DMD: variants seen among roughly 807,000 people sequenced by gnomAD.
DMD encodes the protein mutant dystrophin.
Under a neutral mutation model 330.1 loss-of-function variants are expected in DMD, and 63 were observed. The observed-to-expected ratio is 0.19, with a 90% CI of 0.16 to 0.24. DMD has a LOEUF of 0.24. Among genes scored for constraint, DMD ranks in the 10% least tolerant of loss-of-function variants. The pLI, the probability that DMD is intolerant of heterozygous loss-of-function variation, is 1.00. For synonymous variants in DMD, 1,223 were observed against 959.8 expected (o/e 1.27, Z -5.07); for missense variants, 3,344 against 2,684.1 (o/e 1.25, Z -5.43).
chrX:32,277,860 GA>G (rs1388232483), intron 43 of DMD, among the ~76,000 whole-genome samples: 2 of 110,188 alleles, frequency 1.8e-5, no homozygotes, highest in East Asian at 2.9e-4. Flanking sequence ...TATCAAAAAA[GA>G]AAAAAACTTC....
At chrX:32,114,933 C>T (rs767245715) in intron 44 of DMD, among the ~76,000 whole-genome samples, 5 of 112,193 alleles carry the variant, frequency 4.5e-5, no homozygotes, top group African/African-American at 1.6e-4. Context: ...TGTCTTTTAT[C>T]AAGGTCAAGT....
At chrX:31,516,188 T>C (rs760454203) in intron 55 of DMD, among the ~76,000 whole-genome samples, 1 of 110,346 alleles carries the variant, frequency 9.1e-6, no homozygotes, top group Non-Finnish European at 1.9e-5. Context: ...AAATTTTGTA[T>C]GTCTGGTATT....
intron 45 of DMD, among the ~76,000 whole-genome samples, chrX:31,958,206 T>C (rs970174762): frequency 9.3e-6 from 1 of 107,463 alleles, no homozygotes; most frequent in Non-Finnish European, 1.9e-5. Flanking sequence ...GGAGAGAGAA[T>C]TTACAGCAAC....
intron 60 of DMD, among the ~76,000 whole-genome samples, chrX:31,378,944 C>G (rs1308365900): frequency 9.0e-6 from 1 of 111,244 alleles, no homozygotes; most frequent in East Asian, 2.8e-4. Flanking sequence ...ACGGCACTTT[C>G]AATTTTTCCA....
intron 63 of DMD, 71 bp from the exon 64 acceptor site, chrX:31,223,192 A>G (rs1209215265): frequency 2.1e-5 from 20 of 961,299 alleles, no homozygotes; most frequent in African/African-American, 3.8e-5. Flanking sequence ...CCCGACGCCC[A>G]GTGATTTGCC....
chrX:31,643,374 C>T (rs2079891570), intron 54 of DMD, among the ~76,000 whole-genome samples: 1 of 111,410 alleles, frequency 9.0e-6, no homozygotes, highest in African/African-American at 3.3e-5. Context: ...TTGTGATAGG[C>T]ACTTTTTTAA....
intron 47 of DMD, among the ~76,000 whole-genome samples, chrX:31,905,042 C>T (rs1015862307): frequency 1.8e-5 from 2 of 110,963 alleles, no homozygotes; most frequent in African/African-American, 6.5e-5. Flanking sequence ...AAAATAGTGG[C>T]GAATTTTAAA....
chrX:33,011,696 T>C (rs1293628255), intron 2 of DMD, among the ~76,000 whole-genome samples: 1 of 112,338 alleles, frequency 8.9e-6, no homozygotes, highest in Non-Finnish European at 1.9e-5. Context: ...TAAGTATTTG[T>C]TAAATGTTGA....
intron 51 of DMD, among the ~76,000 whole-genome samples, chrX:31,740,299 G>A (rs2087222783): frequency 8.9e-6 from 1 of 111,916 alleles, no homozygotes; most frequent in African/African-American, 3.2e-5. Flanking sequence ...CTATAAATTT[G>A]GCATATTAAC....
At chrX:32,262,192 G>A (rs2097326144) in intron 43 of DMD, among the ~76,000 whole-genome samples, 1 of 111,962 alleles carries the variant, frequency 8.9e-6, no homozygotes, top group Admixed American at 9.5e-5. Flanking sequence ...TAATCACACG[G>A]AGATCATATT....
chrX:32,500,637 G>A (rs1240004476), intron 19 of DMD, among the ~76,000 whole-genome samples: 1 of 111,596 alleles, frequency 9.0e-6, no homozygotes, highest in Non-Finnish European at 1.9e-5. Flanking sequence ...TGAATATGCT[G>A]TTAAGTTGAT....
intron 44 of DMD, among the ~76,000 whole-genome samples, chrX:32,050,743 G>T (rs1420828586): frequency 3.6e-5 from 4 of 110,713 alleles, no homozygotes; most frequent in Non-Finnish European, 7.6e-5. Flanking sequence ...CACCATGTGG[G>T]CTTTTTGATC....
At chrX:32,420,031 AG>A (rs1325827481) in intron 29 of DMD, among the ~76,000 whole-genome samples, 7 of 111,990 alleles carry the variant, frequency 6.3e-5, no homozygotes, top group Non-Finnish European at 1.1e-4. Flanking sequence ...AGCTTCAAAA[AG>A]AAAGTGAATG....
In DMD at chrX:31,147,496, G is replaced by A. The variant is rs905145891; in HGVS notation, c.10576C>T (p.Arg3526Cys). ...TTATGTTCGTGCTGCTGCTTTAGAC[G>A]GTCATATTCTGCTTGCAGATTCCTA... The part of the protein sequence containing the change: ...ENRNLQAEYD[R>C]LKQQHEHKGL... Residue 3526 changes from arginine to cysteine, a missense_variant, in exon 75 of 79, where the codon CGT becomes TGT. Physicochemically the swap from Arg to Cys is radical, Grantham distance 180 (BLOSUM62 -3). Transcript: ENST00000357033. The A allele has an allele frequency of 1.8e-5, 21 of 1,195,575 alleles. No individual in the cohort carries two copies. Among genetic ancestry groups the A allele is most frequent in the Middle Eastern group, 2.3e-4 (1 of 4,344 alleles).
intron 25 of DMD, among the ~76,000 whole-genome samples, chrX:32,456,006 C>T (rs911922822): frequency 9.0e-6 from 1 of 111,107 alleles, no homozygotes; most frequent in Non-Finnish European, 1.9e-5. Context: ...ATACATAGTG[C>T]TTTTACTTTA....
Position 31,750,488 on chromosome X carries a change from T to C in DMD, c.7543-20740A>G, listed in dbSNP as rs189907328. The stretch of plus-strand genomic sequence containing the variant: ...GGCGTTACTTCTGAGGGCTCTGTTC[T>C]GTTCCATTGATCTATATGTCTGTTT... On this transcript the variant is annotated intron_variant, in intron 51 of 78. Transcript: ENST00000357033. Among the ~76,000 whole-genome samples the C allele has an allele frequency of 6.9e-3, 764 of 110,989 alleles. 6 individuals are homozygous for C. Among genetic ancestry groups the C allele is most frequent in the African/African-American group, 0.023 (713 of 30,517 alleles).
At position 31,968,500 on chromosome X, in the gene DMD, G is replaced by A; in HGVS notation, c.6453C>T (p.Gly2151=). The A allele has an allele frequency of 1.7e-6, 2 of 1,210,348 alleles. No homozygotes were observed. Among genetic ancestry groups the A allele is most frequent in the Non-Finnish European group, 1.1e-6 (1 of 894,599 alleles). Residue 2151 remains glycine (G), a synonymous_variant, in exon 45 of 79, where the codon GGC becomes GGT. Transcript: ENST00000357033. ...YKWYLKELQD[G]IGQRQTVVRT... ...TGACAACAGTTTGCCGCTGCCCAAT[G>A]CCATCCTGGAGTTCCTGTAAGATAC...
chrX:33,331,489 C>T (rs1211619476), intron 1 of DMD, among the ~76,000 whole-genome samples: 1 of 111,857 alleles, frequency 8.9e-6, no homozygotes, highest in Non-Finnish European at 1.9e-5. Flanking sequence ...GTCCTTATCA[C>T]ATTTTATCCT....
At chrX:31,510,792 A>T (rs7878164) in intron 55 of DMD, among the ~76,000 whole-genome samples, 1,663 of 110,778 alleles carry the variant, frequency 0.015, 29 homozygotes, top group African/African-American at 0.052. Context: ...TACAGGCGTG[A>T]GCCACCACAC....
Sources: gnomAD v4.1 joint callset for allele counts (sites outside exome capture counted in the v4.1 genomes callset) on GRCh38, gnomAD v4.1.1 for gene constraint, MANE v1.5 for transcripts, NCBI Gene and HGNC (gene_info 2026-07-23, HGNC 2026-07-21) for gene names.